The following DOK5 variants were observed in gnomAD, a reference collection of about 807,000 sequenced individuals.
DOK5 encodes the protein downstream of tyrosine kinase 5.
Under a neutral mutation model 43.3 loss-of-function variants are expected in DOK5, and 27 were observed. The observed-to-expected ratio is 0.62, with a 90% CI of 0.46 to 0.86. The LOEUF (loss-of-function observed/expected upper bound fraction) is 0.86, where lower values mean the gene tolerates loss of function less well. DOK5 is among the 40% of genes least tolerant of loss of function. The pLI is 0.00. For synonymous variants in DOK5, 146 were observed against 140.1 expected, an observed-to-expected ratio of 1.04 and a Z score of -0.30; for missense variants, 373 against 392.9, an observed-to-expected ratio of 0.95 and a Z score of 0.43.
At chr20:54,604,414 C>G (rs1357471147) in intron 5 of DOK5, among the ~76,000 whole-genome samples, 1 of 151,798 alleles carries the variant, frequency 6.6e-6, no homozygotes, top group African/African-American at 2.4e-5. Context: ...GACACCCACC[C>G]CTCTTCTCAA....
intron 2 of DOK5, among the ~76,000 whole-genome samples, chr20:54,580,343 A>C (rs1308350492): frequency 6.6e-6 from 1 of 152,154 alleles, no homozygotes; most frequent in African/African-American, 2.4e-5. Context: ...CCTTGTTTTC[A>C]ATTTTTTTGA....
At chr20:54,642,949 C>T (rs1979195019) in intron 6 of DOK5, among the ~76,000 whole-genome samples, 1 of 152,214 alleles carries the variant, frequency 6.6e-6, no homozygotes. Flanking sequence ...GTCCCATCTC[C>T]AGCCTCTTAA....
At chr20:54,581,033 C>A (rs2146758578) in intron 2 of DOK5, among the ~76,000 whole-genome samples, 1 of 152,092 alleles carries the variant, frequency 6.6e-6, no homozygotes, top group East Asian at 1.9e-4. Context: ...GTCTCTAATC[C>A]ATTTTGAATT....
chr20:54,551,132 G>A (rs988749418), intron 1 of DOK5, among the ~76,000 whole-genome samples: 1 of 152,204 alleles, frequency 6.6e-6, no homozygotes, highest in African/African-American at 2.4e-5. Flanking sequence ...GTTTTAATTT[G>A]CCCTTCCCTC....
chr20:54,575,148 G>A (rs775877872), intron 2 of DOK5, among the ~76,000 whole-genome samples: 2 of 152,112 alleles, frequency 1.3e-5, no homozygotes, highest in African/African-American at 4.8e-5. Flanking sequence ...TCTAGAACAC[G>A]GAACATTCTG....
At chr20:54,597,551 T>G (rs1322609458) in intron 5 of DOK5, among the ~76,000 whole-genome samples, 2 of 152,210 alleles carry the variant, frequency 1.3e-5, no homozygotes, top group South Asian at 4.1e-4. Context: ...AACTAGGGGA[T>G]ACAGTTATTT....
chr20:54,577,367 T>C (rs1869025247), intron 2 of DOK5, among the ~76,000 whole-genome samples: 1 of 152,244 alleles, frequency 6.6e-6, no homozygotes, highest in Admixed American at 6.5e-5. Context: ...AATTCATTTC[T>C]TTATTTCCTT....
chr20:54,610,106 T>C (rs1986595994), intron 5 of DOK5, among the ~76,000 whole-genome samples: 1 of 152,230 alleles, frequency 6.6e-6, no homozygotes, highest in Non-Finnish European at 1.5e-5. Flanking sequence ...TTTATTATAC[T>C]GCAAATCAAG....
intron 2 of DOK5, among the ~76,000 whole-genome samples, chr20:54,587,586 A>C (rs897492811): frequency 1.3e-5 from 2 of 152,208 alleles, no homozygotes; most frequent in African/African-American, 2.4e-5. Flanking sequence ...TCGCTCAGGC[A>C]TGACCCAAAT....
chr20:54,479,185 A>G (rs1250437956), intron 1 of DOK5, among the ~76,000 whole-genome samples: 1 of 152,234 alleles, frequency 6.6e-6, no homozygotes, highest in Non-Finnish European at 1.5e-5. Flanking sequence ...TTAAATGATT[A>G]AGCAATCAAA....
intron 6 of DOK5, among the ~76,000 whole-genome samples, chr20:54,625,079 T>G (rs567683240): frequency 3.9e-5 from 6 of 152,186 alleles, no homozygotes; most frequent in Non-Finnish European, 5.9e-5. Flanking sequence ...CTGTGATACC[T>G]TGGTAACATT....
At position 54,643,481 on chromosome 20, in the gene DOK5, G is replaced by A; in HGVS notation, c.759G>A (p.Arg253=). The A allele has an allele frequency of 6.2e-7, 1 of 1,613,588 alleles. No individual in the cohort carries two copies. Among genetic ancestry groups the A allele is most frequent in the Non-Finnish European group, 8.5e-7 (1 of 1,180,040 alleles). Residue 253 remains arginine, a synonymous_variant, in exon 7 of 8, where the codon CGG becomes CGA. Coordinates refer to ENST00000262593, the MANE Select transcript of DOK5 (RefSeq NM_018431.5). ...NSMLQMKMSE[R]AASLSTMVPL... ...AGCTCCAGATGAAGATGAGTGAGCG[G>A]GCCGCCTCGCTGAGCACCATGGTGC...
chr20:54,619,082 C>T (rs1986908631), intron 6 of DOK5, among the ~76,000 whole-genome samples: 1 of 117,646 alleles, frequency 8.5e-6, no homozygotes, highest in Non-Finnish European at 1.8e-5. Flanking sequence ...TATGAAAAAT[C>T]ACTGTTAAAT....
In DOK5 at chr20:54,493,319, G is replaced by A. The variant is rs75560062; in HGVS notation, c.66+17307G>A. Among the ~76,000 whole-genome samples, 373 of 152,146 alleles carry A rather than the reference G, an allele frequency of 2.5e-3. 8 individuals carry two copies. In the East Asian group the frequency reaches 0.042, roughly 17 times the overall value. ...CATACTACCCAAAATCAGTGCATGA[G>A]CCCAACACACCACCTTTAGTTCCTC... is the stretch of plus-strand genomic sequence containing the variant. On this transcript the variant is annotated intron_variant, in intron 1 of 7. Coordinates refer to ENST00000262593, the MANE Select transcript of DOK5 (RefSeq NM_018431.5).
chr20:54,517,197 G>T lies in DOK5; in HGVS notation c.67-37736G>T, dbSNP rs569283141. Among the ~76,000 whole-genome samples the T allele has an allele frequency of 3.3e-5, 5 of 152,186 alleles. No individual in the cohort carries two copies. In the South Asian group the frequency reaches 1.0e-3, roughly 32 times the overall value. ...TATACATGAGTTCTAACCCCTTCTT[G>T]TCTCTTGCCAAGATTTATCAGCAAT... On this transcript the variant is annotated intron_variant, in intron 1 of 7. Coordinates refer to ENST00000262593, the MANE Select transcript of DOK5 (RefSeq NM_018431.5).
intron 1 of DOK5, among the ~76,000 whole-genome samples, chr20:54,537,821 T>G (rs1315645707): frequency 1.3e-5 from 2 of 150,354 alleles, no homozygotes; most frequent in Non-Finnish European, 3.0e-5. Context: ...AGTGAAATGA[T>G]GTACAAGTTC....
chr20:54,634,761 C>CT (rs1215364485), intron 6 of DOK5, among the ~76,000 whole-genome samples: 161 of 141,694 alleles, frequency 1.1e-3, no homozygotes, highest in East Asian at 5.0e-3. Context: ...CTACTATCTG[C>CT]TTTTTTTTTT....
At chr20:54,532,321 G>C (rs1983804167) in intron 1 of DOK5, among the ~76,000 whole-genome samples, 2 of 152,194 alleles carry the variant, frequency 1.3e-5, no homozygotes, top group African/African-American at 4.8e-5. Context: ...GTGGGCTCCT[G>C]AGGTTGTGTT....
At chr20:54,589,637 G>A (rs1356797137) in intron 4 of DOK5, among the ~76,000 whole-genome samples, 1 of 152,058 alleles carries the variant, frequency 6.6e-6, no homozygotes, top group Non-Finnish European at 1.5e-5. Context: ...GATCTATGAG[G>A]GCATGTCACC....
Sources: allele counts gnomAD v4.1 joint callset (sites outside exome capture counted in the v4.1 genomes callset), GRCh38; gene constraint gnomAD v4.1.1; transcripts MANE v1.5; gene names NCBI Gene and HGNC (gene_info 2026-07-23, HGNC 2026-07-21).